PHC2: variants seen among roughly 807,000 people sequenced by gnomAD.
The protein encoded by PHC2 is polyhomeotic-like protein 2.
PHC2 carries 29 observed loss-of-function variants against 87.4 expected under a neutral mutation model. The observed-to-expected ratio is 0.33, with a 90% confidence interval of 0.25 to 0.45. PHC2 has a LOEUF of 0.45. PHC2 is among the 20% of genes least tolerant of loss of function. The pLI is 1.00. For missense variants in PHC2, 857 were observed against 1,136.7 expected, an observed-to-expected ratio of 0.75 and a Z score of 3.54; for synonymous variants, 438 against 461.7, an observed-to-expected ratio of 0.95 and a Z score of 0.66.
chr1:33,424,613 G>A (rs1650593792), intron 1 of PHC2, among the ~76,000 whole-genome samples: 1 of 152,128 alleles, frequency 6.6e-6, no homozygotes, highest in Non-Finnish European at 1.5e-5. Flanking sequence ...GTTTCTCAAA[G>A]GGCCTGTTCA....
Position 33,371,036 on chromosome 1 carries a change from G to T in PHC2, c.392C>A (p.Ala131Asp), listed in dbSNP as rs923826580. 6.2e-7 allele frequency: 1 copy of T among 1,614,018 alleles called. No individual in the cohort carries two copies. Among genetic ancestry groups the T allele is most frequent in the East Asian group, 2.2e-5 (1 of 44,888 alleles). Residue 131 changes from alanine to aspartate, a missense_variant, in exon 4 of 15, where the codon GCC (alanine) becomes GAC (aspartate). By Grantham distance (126) the Ala-to-Asp change is moderately radical (BLOSUM62 -2). Around this residue, in one of 3 missense-constraint regions of PHC2, gnomAD observed 832 missense variants for 1,081.8 expected, o/e 0.77. Transcript: ENST00000683057. Reference protein sequence around the residue: ...STSGSNVSAQAPAQSSSINLA... With the variant: ...STSGSNVSAQDPAQSSSINLA... ...ACTCACCGAAGATGACTGGGCCGGGGCCTGCGCAGACACATTGCTGCCTGA... is the reference window on the plus strand; with the variant it reads ...ACTCACCGAAGATGACTGGGCCGGGTCCTGCGCAGACACATTGCTGCCTGA...
At chr1:33,375,331 A>T in intron 2 of PHC2, 35 bp downstream of exon 2, 1 of 1,465,242 alleles carries the variant, frequency 6.8e-7, no homozygotes, top group Non-Finnish European at 9.2e-7. Context: ...GGAGATGATT[A>T]AGGAGTATAA....
intron 9 of PHC2, among the ~76,000 whole-genome samples, chr1:33,335,843 T>G (rs1320149866): frequency 6.9e-6 from 1 of 144,578 alleles, no homozygotes; most frequent in East Asian, 2.1e-4. Context: ...GAGGCTGCAG[T>G]GAGCTGAGAT....
At chr1:33,379,778 T>A (rs12063410) in intron 1 of PHC2, among the ~76,000 whole-genome samples, 31,458 of 151,386 alleles carry the variant, frequency 0.21, 3,335 homozygotes, top group South Asian at 0.25. Context: ...TGATCCAGAC[T>A]GGTAGCTCCG....
intron 7 of PHC2, chr1:33,363,593 G>A (rs868002297): frequency 5.7e-5 from 11 of 193,232 alleles, no homozygotes; most frequent in African/African-American, 2.6e-4. Context: ...CTCCTCAGCT[G>A]AGACCTGAGG....
chr1:33,424,111 A>C lies in PHC2; in HGVS notation c.-55+6865T>G, dbSNP rs12727868. ...AGACTCCGTCTCAAAAAAAAAAAAAACAAAAAAAACAAAAAACAAAAAAAA... is the reference window on the plus strand; with the variant it reads ...AGACTCCGTCTCAAAAAAAAAAAAACCAAAAAAAACAAAAAACAAAAAAAA... On this transcript the variant is annotated intron_variant, in intron 1 of 14. Transcript: ENST00000683057. 8.6e-4 allele frequency among the ~76,000 whole-genome samples: 127 copies of C among 148,262 alleles called. 1 individual carries two copies. The East Asian group carries it at 0.018, about 21-fold the overall frequency.
rs1432070708 is a variant in PHC2 at position 33,332,606 on chromosome 1, A to G, written c.1762-202T>C. The G allele has an allele frequency of 3.4e-6, 2 of 590,652 alleles. No homozygotes were observed. Among genetic ancestry groups the G allele is most frequent in the African/African-American group, 3.7e-5 (2 of 53,656 alleles). 36.6% of individuals were successfully genotyped at this position (590,652 alleles called of 1,614,324 possible). A position where few individuals can be genotyped will look rare whatever the true frequency, so the allele number is the denominator to read the frequency against. The stretch of plus-strand genomic sequence containing the variant: ...CTCACGAGGTAAGATGCTAATGGGC[A>G]AAGTACAGGGATGGCTTCTGTCCAG... On this transcript the variant is annotated intron_variant, in intron 10 of 14. Coordinates refer to ENST00000683057, the MANE Select transcript of PHC2 (RefSeq NM_001385109.1). The surrounding 1 kb of genome is among the most constrained non-coding windows in gnomAD (Gnocchi z 4.2).
chr1:33,424,829 A>C (rs866957980), intron 1 of PHC2, among the ~76,000 whole-genome samples: 81 of 152,334 alleles, frequency 5.3e-4, no homozygotes, highest in African/African-American at 1.8e-3. Flanking sequence ...ATCCAGCCAT[A>C]ATAAGGCCCT....
chr1:33,391,467 C>T lies in PHC2; in HGVS notation c.-54-15874G>A, dbSNP rs184260158. 2.9e-3 allele frequency among the ~76,000 whole-genome samples: 437 copies of T among 152,222 alleles called. 1 individual carries two copies. The highest frequency in any genetic ancestry group is 4.7e-3 in the Non-Finnish European group (321 of 67,996). On this transcript the variant is annotated intron_variant, in intron 1 of 14. Coordinates refer to ENST00000683057, the MANE Select transcript of PHC2 (RefSeq NM_001385109.1). ...TTTCTTTCGGGCAGGAGCTTTGAGCCTTGTTAGGCTCACCCACTGGAGACA... is the reference window on the plus strand; with the variant it reads ...TTTCTTTCGGGCAGGAGCTTTGAGCTTTGTTAGGCTCACCCACTGGAGACA...
intron 1 of PHC2, among the ~76,000 whole-genome samples, chr1:33,383,345 T>C (rs1197312187): frequency 6.6e-6 from 1 of 152,108 alleles, no homozygotes; most frequent in Non-Finnish European, 1.5e-5. Flanking sequence ...GAAACCAAAG[T>C]AAGTAAATGA....
chr1:33,411,866 T>C (rs1311066608), intron 1 of PHC2, among the ~76,000 whole-genome samples: 2 of 152,186 alleles, frequency 1.3e-5, no homozygotes, highest in Non-Finnish European at 2.9e-5. Flanking sequence ...GGCCTGATCA[T>C]CTTTATAGAC....
intron 1 of PHC2, among the ~76,000 whole-genome samples, chr1:33,424,112 C>CAAAAAAAAAAAAAAAAA (rs1212690881): frequency 7.3e-6 from 1 of 137,340 alleles, no homozygotes; most frequent in Non-Finnish European, 1.6e-5. Context: ...AAAAAAAAAA[C>CAAAAAAAAAAAAAAAAA]AAAAAAAACA....
Position 33,332,178 on chromosome 1 carries a change from T to C in PHC2, c.1891+97A>G. 7.1e-7 allele frequency: 1 copy of C among 1,415,164 alleles called. No individual in the cohort carries two copies. The highest frequency in any genetic ancestry group is 9.9e-7 in the Non-Finnish European group (1 of 1,012,008). 87.7% of individuals were successfully genotyped at this position (1,415,164 alleles called of 1,614,324 possible). On this transcript the variant is annotated intron_variant, in intron 11 of 14. Transcript: ENST00000683057. The surrounding 1 kb of genome is among the most constrained non-coding windows in gnomAD (Gnocchi z 4.2). ...GGGAAATGTTTACAGACTCGCTGGC[T>C]CAGGGTTCCTCTGGGGAAACAGAGA...
intron 9 of PHC2, among the ~76,000 whole-genome samples, chr1:33,351,951 C>CAAAAAAA: frequency 1.1e-5 from 1 of 87,422 alleles, no homozygotes; most frequent in East Asian, 3.2e-4. Flanking sequence ...GAATGCATCT[C>CAAAAAAA]AAAAAAAAAA....
chr1:33,329,490 CAAAA>C (rs34875983), intron 13 of PHC2, among the ~76,000 whole-genome samples: 1 of 148,970 alleles, frequency 6.7e-6, no homozygotes, highest in East Asian at 2.0e-4. Flanking sequence ...AGGTTTAAGA[CAAAA>C]AAAAAATAAG....
At chr1:33,379,615 C>T (rs1188603959) in intron 1 of PHC2, among the ~76,000 whole-genome samples, 1 of 149,056 alleles carries the variant, frequency 6.7e-6, no homozygotes, top group Non-Finnish European at 1.5e-5. Context: ...TGTGCCCATG[C>T]TCCCTTTCAC....
At chr1:33,400,416 T>C (rs1164496333) in intron 1 of PHC2, among the ~76,000 whole-genome samples, 1 of 152,224 alleles carries the variant, frequency 6.6e-6, no homozygotes, top group Non-Finnish European at 1.5e-5. Context: ...GGAGTAATAA[T>C]AGCAGCAAAG....
intron 7 of PHC2, among the ~76,000 whole-genome samples, chr1:33,361,210 G>T (rs952978734): frequency 2.0e-5 from 3 of 152,192 alleles, no homozygotes; most frequent in East Asian, 1.9e-4. Flanking sequence ...AGTGGGCAGT[G>T]GGGGGAGGGT....
chr1:33,429,529 G>A (rs76395559), intron 1 of PHC2, among the ~76,000 whole-genome samples: 2,068 of 152,290 alleles, frequency 0.014, 18 homozygotes, highest in Middle Eastern at 0.044. Flanking sequence ...TGTGTTCTCT[G>A]GAAAGCCTTC....
Sources: gnomAD v4.1 joint callset for allele counts (sites outside exome capture counted in the v4.1 genomes callset) on GRCh38, gnomAD v4.1.1 for gene constraint, gnomAD v4.1.1 regional missense constraint, Gnocchi (gnomAD v3.1) non-coding constraint, MANE v1.5 for transcripts, NCBI Gene and HGNC (gene_info 2026-07-23, HGNC 2026-07-21) for gene names.